Variants in DLG1 observed in about 807,000 individuals in gnomAD.
The protein encoded by DLG1 is discs large MAGUK scaffold protein 1, also known as disks large homolog 1.
A neutral mutation model predicts 123.4 loss-of-function variants in DLG1; 42 were observed. The observed-to-expected ratio is 0.34, with a 90% CI of 0.27 to 0.44. The LOEUF (loss-of-function observed/expected upper bound fraction) is 0.44. Ranked by LOEUF, DLG1 falls within the 20% of genes least tolerant of loss-of-function variation. The probability of loss-of-function intolerance (pLI) is 1.00; values close to 1 mark genes in which losing one functional copy is unlikely to be tolerated. For missense variants in DLG1, 942 were observed against 1,082.6 expected (o/e 0.87, Z 1.82); for synonymous variants, 317 against 356.2 (o/e 0.89, Z 1.24).
chr3:197,281,007 C>T (rs1369612385), intron 4 of DLG1, among the ~76,000 whole-genome samples: 1 of 146,768 alleles, frequency 6.8e-6, no homozygotes, highest in Non-Finnish European at 1.5e-5. Context: ...ACATGCTAAA[C>T]TTTTTGTGGA....
At chr3:197,249,310 A>G (rs1753240266) in intron 4 of DLG1, among the ~76,000 whole-genome samples, 1 of 152,134 alleles carries the variant, frequency 6.6e-6, no homozygotes, top group Non-Finnish European at 1.5e-5. Context: ...GAAGAAATGG[A>G]TAAATACTTG....
chr3:197,149,654 G>C (rs1259746413), intron 6 of DLG1, 89 bp downstream of exon 6: 1 of 848,748 alleles, frequency 1.2e-6, no homozygotes, highest in African/African-American at 1.7e-5. Flanking sequence ...ATGTATTAGA[G>C]AAAACAATGC....
Position 197,296,598 on chromosome 3 carries a change from G to A in DLG1, c.20-121C>T, listed in dbSNP as rs561389520. On this transcript the variant is annotated intron_variant, in intron 2 of 24. Coordinates refer to ENST00000667157, the MANE Select transcript of DLG1 (RefSeq NM_001366207.1). ...CCGCAAATCCTTCAGGTCAATTGAT[G>A]TCACTATGTTCATGTACACATATTC... 73 of 830,628 alleles carry A rather than the reference G, an allele frequency of 8.8e-5. 1 individual carries two copies. The South Asian group carries it at 1.1e-3, about 12-fold the overall frequency. The allele number at this position is 830,628 out of a possible 1,614,324, so 51.5% of individuals were successfully genotyped here.
At chr3:197,152,378 C>T (rs1421286605) in intron 5 of DLG1, among the ~76,000 whole-genome samples, 1 of 150,022 alleles carries the variant, frequency 6.7e-6, no homozygotes, top group Non-Finnish European at 1.5e-5. Flanking sequence ...TTCCATGTTA[C>T]CTGTTCTACT....
At position 197,085,735 on chromosome 3, in the gene DLG1, C is replaced by T. The variant is rs1753940628; in HGVS notation, c.1683G>A (p.Lys561=). ...GACTGGGAAGCCCACTGTCTTTAGTCTTGTCATAATCAAAAAGGGCTCTAG... is the reference window on the plus strand; with the variant it reads ...GACTGGGAAGCCCACTGTCTTTAGTTTTGTCATAATCAAAAAGGGCTCTAG... ...LYVRALFDYD[K]TKDSGLPSQG... is the part of the protein sequence containing the mutation. The change falls in exon 16 of 25, where the codon AAG becomes AAA. Residue 561 remains lysine, a synonymous_variant. Coordinates refer to ENST00000667157, the MANE Select transcript of DLG1 (RefSeq NM_001366207.1). 1.2e-6 allele frequency: 2 copies of T among 1,613,220 alleles called. No homozygotes were observed. Among genetic ancestry groups the T allele is most frequent in the African/African-American group, 1.3e-5 (1 of 74,688 alleles).
chr3:197,104,821 G>GT (rs1202253371), intron 14 of DLG1, 82 bp downstream of exon 14: 2 of 988,124 alleles, frequency 2.0e-6, no homozygotes, highest in African/African-American at 3.4e-5. Flanking sequence ...TAGCTTGGAA[G>GT]TTAAACATTA....
chr3:197,176,359 G>T (rs1410158242), intron 5 of DLG1, among the ~76,000 whole-genome samples: 4 of 151,978 alleles, frequency 2.6e-5, no homozygotes, highest in African/African-American at 9.7e-5. Context: ...TGACTGTGGG[G>T]GCTGGATATT....
intron 1 of DLG1, 98 bp downstream of exon 1, chr3:197,298,438 C>T (rs1778551386): frequency 5.0e-6 from 2 of 398,662 alleles, no homozygotes; most frequent in Non-Finnish European, 8.8e-6. Flanking sequence ...CCCACCGGCG[C>T]GTCCCGCAGT....
At chr3:197,108,472 T>C (rs1324021162) in intron 13 of DLG1, among the ~76,000 whole-genome samples, 1 of 152,230 alleles carries the variant, frequency 6.6e-6, no homozygotes, top group Non-Finnish European at 1.5e-5. Flanking sequence ...TCAATTTCCT[T>C]GTTTTAAATC....
intron 5 of DLG1, among the ~76,000 whole-genome samples, chr3:197,180,604 T>C (rs1166905574): frequency 6.6e-6 from 1 of 151,990 alleles, no homozygotes. Flanking sequence ...CAATGTAAAA[T>C]GAGATACAAT....
intron 23 of DLG1, among the ~76,000 whole-genome samples, chr3:197,053,898 C>G (rs1729741460): frequency 6.6e-6 from 1 of 151,978 alleles, no homozygotes; most frequent in Non-Finnish European, 1.5e-5. Context: ...TCGAGACCAG[C>G]CTGGGAAACA....
intron 3 of DLG1, among the ~76,000 whole-genome samples, chr3:197,288,718 T>TTAAAAAAAAAA (rs1560171604): frequency 6.6e-5 from 2 of 30,420 alleles, no homozygotes; most frequent in Non-Finnish European, 5.3e-5. Flanking sequence ...TGAAACTGTC[T>TTAAAAAAAAAA]CAAAAAAAAA....
rs769945481 is a variant in DLG1, at chr3:197,138,394, G to A, written c.714-3C>T. On this transcript the variant is annotated splice_polypyrimidine_tract_variant and splice_region_variant and intron_variant, in intron 8 of 24. Coordinates refer to ENST00000667157, the MANE Select transcript of DLG1 (RefSeq NM_001366207.1). ...CTCGTAATATACAGTCATTGACCCTGAGAAAACAATTAAATATTAAAAATA... is the reference window on the plus strand; with the variant it reads ...CTCGTAATATACAGTCATTGACCCTAAGAAAACAATTAAATATTAAAAATA... The A allele has an allele frequency of 7.5e-7, 1 of 1,340,940 alleles. No homozygotes were observed. The highest frequency in any genetic ancestry group is 2.9e-5 in the Admixed American group (1 of 34,888). The allele number at this position is 1,340,940 out of a possible 1,614,324, so 83.1% of individuals were successfully genotyped here.
intron 20 of DLG1, 98 bp from the exon 21 acceptor site, chr3:197,065,907 CTAATT>C (rs1056931705): frequency 1.6e-5 from 12 of 745,530 alleles, no homozygotes; most frequent in Non-Finnish European, 2.2e-5. Context: ...ACTGTTATGA[CTAATT>C]TTTTTCTTCC....
In DLG1 at chr3:197,233,149, T is replaced by C. The variant is rs146879230; in HGVS notation, c.319-38560A>G. Among the ~76,000 whole-genome samples, 1,283 of 152,194 alleles carry C rather than the reference T, an allele frequency of 8.4e-3. 18 individuals carry two copies. Among genetic ancestry groups the C allele is most frequent in the African/African-American group, 0.029 (1,215 of 41,530 alleles). ...AATTATGATTACATATAATGAATAATCTGAAAACAAAATTAAGAAAATAAT... is the reference window on the plus strand; with the variant it reads ...AATTATGATTACATATAATGAATAACCTGAAAACAAAATTAAGAAAATAAT... On this transcript the variant is annotated intron_variant, in intron 4 of 24. Coordinates refer to ENST00000667157, the MANE Select transcript of DLG1 (RefSeq NM_001366207.1).
At chr3:197,112,379 CTAA>C (rs960693497) in intron 13 of DLG1, among the ~76,000 whole-genome samples, 13 of 152,106 alleles carry the variant, frequency 8.5e-5, no homozygotes, top group African/African-American at 3.1e-4. Flanking sequence ...TCTCTGATGC[CTAA>C]TGTTAAGCAC....
At chr3:197,100,069 T>G (rs907796377) in intron 14 of DLG1, among the ~76,000 whole-genome samples, 1 of 152,130 alleles carries the variant, frequency 6.6e-6, no homozygotes, top group East Asian at 1.9e-4. Context: ...AAGGGTCAAC[T>G]GCAGCACAGG....
chr3:197,122,800 A>G (rs146502871), intron 11 of DLG1, among the ~76,000 whole-genome samples: 1 of 152,250 alleles, frequency 6.6e-6, no homozygotes, highest in East Asian at 1.9e-4. Context: ...ATATTAATGG[A>G]CTGATTAAGA....
At chr3:197,176,151 C>G (rs187553619) in intron 5 of DLG1, among the ~76,000 whole-genome samples, 298 of 152,244 alleles carry the variant, frequency 2.0e-3, no homozygotes, top group Non-Finnish European at 3.7e-3. Flanking sequence ...CTAAGCCAAT[C>G]TAATCTACAT....
Sources: gnomAD v4.1 joint callset for allele counts (sites outside exome capture counted in the v4.1 genomes callset) on GRCh38, gnomAD v4.1.1 for gene constraint, MANE v1.5 for transcripts, NCBI Gene and HGNC (gene_info 2026-07-23, HGNC 2026-07-21) for gene names.